The following PDZD8 variants were observed in gnomAD, a reference collection of about 807,000 sequenced individuals.
The protein encoded by PDZD8 is PDZ domain containing 8.
PDZD8 carries 14 observed loss-of-function variants against 85.8 expected under a neutral mutation model. That is an observed-to-expected ratio of 0.16 (90% CI 0.11 to 0.26). PDZD8 has a LOEUF of 0.26. Among genes scored for constraint, PDZD8 ranks in the 10% least tolerant of loss-of-function variants. The pLI, the probability that PDZD8 is intolerant of heterozygous loss-of-function variation, is 1.00. For synonymous variants in PDZD8, 592 were observed against 568.6 expected, an observed-to-expected ratio of 1.04 and a Z score of -0.59; for missense variants, 1,197 against 1,424.3, an observed-to-expected ratio of 0.84 and a Z score of 2.57.
At chr10:117,345,483 G>T (rs985072526) in intron 1 of PDZD8, among the ~76,000 whole-genome samples, 2 of 152,122 alleles carry the variant, frequency 1.3e-5, no homozygotes, top group African/African-American at 4.8e-5. Context: ...AACACTAGTG[G>T]GGGGGTAAGT....
chr10:117,358,458 C>T (rs946585762), intron 1 of PDZD8, among the ~76,000 whole-genome samples: 5 of 152,002 alleles, frequency 3.3e-5, no homozygotes, highest in African/African-American at 1.2e-4. Context: ...CTTTCCCCCT[C>T]ATCTCCCCTC....
chr10:117,333,124 A>AAACAAAAAAAC lies in PDZD8; in HGVS notation c.995+7855_995+7856insGTTTTTTTGTT, dbSNP rs1373673590. Among the ~76,000 whole-genome samples the AAACAAAAAAAC allele has an allele frequency of 9.6e-5, 14 of 145,994 alleles. 1 individual carries two copies. The highest frequency in any genetic ancestry group is 3.0e-4 in the African/African-American group (12 of 39,346). On this transcript the variant is annotated intron_variant, in intron 2 of 4. Transcript: ENST00000334464. ...GCAGAGTGGACTCTGTCTCAAAAAA[A>AAACAAAAAAAC]AAAAAAAAAAAAAAAAAAAGGGGAT...
chr10:117,319,948 G>A (rs527414036), intron 2 of PDZD8, among the ~76,000 whole-genome samples: 7 of 151,928 alleles, frequency 4.6e-5, no homozygotes, highest in African/African-American at 1.7e-4. Flanking sequence ...AAACACATTA[G>A]AGAAATTTAA....
At chr10:117,302,724 G>C (rs1843867500) in intron 3 of PDZD8, among the ~76,000 whole-genome samples, 4 of 152,146 alleles carry the variant, frequency 2.6e-5, no homozygotes, top group African/African-American at 7.2e-5. Context: ...ACCCAGGGGG[G>C]CGTAATTGAA....
intron 1 of PDZD8, among the ~76,000 whole-genome samples, chr10:117,353,653 A>G (rs1361384808): frequency 6.6e-6 from 1 of 151,590 alleles, no homozygotes; most frequent in East Asian, 2.0e-4. Flanking sequence ...TATTGATGTT[A>G]TACATAAATT....
At chr10:117,373,136 C>T (rs900404613) in intron 1 of PDZD8, among the ~76,000 whole-genome samples, 11 of 152,122 alleles carry the variant, frequency 7.2e-5, no homozygotes, top group African/African-American at 2.7e-4. Flanking sequence ...TCCACTCCAC[C>T]TCTAGCCCTA....
At chr10:117,335,766 G>C (rs1844506063) in intron 2 of PDZD8, among the ~76,000 whole-genome samples, 1 of 152,124 alleles carries the variant, frequency 6.6e-6, no homozygotes, top group African/African-American at 2.4e-5. Context: ...CCTTGGGCAG[G>C]GTAAGGGAGA....
chr10:117,309,441 T>G (rs1335990475), intron 3 of PDZD8, among the ~76,000 whole-genome samples: 1 of 151,832 alleles, frequency 6.6e-6, no homozygotes, highest in Non-Finnish European at 1.5e-5. Flanking sequence ...TGAAAAACAT[T>G]CCATCTCTAG....
At chr10:117,352,092 G>C (rs1844814951) in intron 1 of PDZD8, among the ~76,000 whole-genome samples, 2 of 85,504 alleles carry the variant, frequency 2.3e-5, no homozygotes, top group South Asian at 6.5e-4. Flanking sequence ...AGAACCTTTT[G>C]TAACATCTAA....
chr10:117,347,021 T>TTC (rs1844720911), intron 1 of PDZD8, among the ~76,000 whole-genome samples: 2 of 151,974 alleles, frequency 1.3e-5, no homozygotes, highest in African/African-American at 4.8e-5. Context: ...AGGAAGCTTT[T>TTC]TCTCTCTCTT....
In PDZD8 at chr10:117,283,324, A is replaced by G. The variant is rs776185127; in HGVS notation, c.3409T>C (p.Ser1137Pro). 4.5e-5 allele frequency: 72 copies of G among 1,613,812 alleles called. No individual in the cohort carries two copies. In the Middle Eastern group the frequency reaches 4.9e-4, roughly 11 times the overall value. The change falls in exon 5 of 5, where the codon TCT becomes CCT. Residue 1137 changes from serine to proline, a missense_variant. This residue lies in a region of PDZD8 where 418 missense variants were observed against 571.1 expected (regional missense o/e 0.73). Coordinates refer to ENST00000334464, the MANE Select transcript of PDZD8 (RefSeq NM_173791.5). ...LDNEISQLID[S>P]QPFSSISDDL... ...TCTGATATGCTGCTGAATGGCTGAGAGTCTATTAGTTGGCTTATTTCATTA... is the reference window on the plus strand; with the variant it reads ...TCTGATATGCTGCTGAATGGCTGAGGGTCTATTAGTTGGCTTATTTCATTA...
intron 3 of PDZD8, among the ~76,000 whole-genome samples, chr10:117,293,999 T>C (rs1262317053): frequency 2.0e-5 from 3 of 152,048 alleles, no homozygotes; most frequent in Non-Finnish European, 2.9e-5. Context: ...ATATTTCAAA[T>C]GAAATGATGA....
In PDZD8 at chr10:117,290,037, A is replaced by C. The variant is rs936052932; in HGVS notation, c.1261+149T>G. ...TTTTGAAGGCCTCCTTTGAATTTTT[A>C]TTTATAATAAAGTTTATTACTTTAT... On this transcript the variant is annotated intron_variant, in intron 4 of 4. Transcript: ENST00000334464. 29 of 629,136 alleles carry C rather than the reference A, an allele frequency of 4.6e-5. No individual in the cohort carries two copies. In the South Asian group the frequency reaches 1.2e-3, roughly 27 times the overall value. 39.0% of individuals were successfully genotyped at this position (629,136 alleles called of 1,614,324 possible).
chr10:117,287,489 G>A lies in PDZD8; in HGVS notation c.1262-2018C>T, dbSNP rs143171840. On this transcript the variant is annotated intron_variant, in intron 4 of 4. Transcript: ENST00000334464. ...GACATCACCACCTGGATGTTCCTTT[G>A]GGACTAAATATTCAGCAGAGCTAAA... is the stretch of plus-strand genomic sequence containing the variant. Among the ~76,000 whole-genome samples the A allele has an allele frequency of 4.6e-5, 7 of 152,180 alleles. No homozygotes were observed. The East Asian group carries it at 1.4e-3, about 29-fold the overall frequency.
At chr10:117,364,191 TGTGTGTGTGTGTGTGTGAGA>T (rs1213277238) in intron 1 of PDZD8, among the ~76,000 whole-genome samples, 1 of 151,636 alleles carries the variant, frequency 6.6e-6, no homozygotes, top group Non-Finnish European at 1.5e-5. Context: ...GGTGTGTGTG[TGTGTGTGTGTGTGTGTGAGA>T]GTGTGTGTGT....
chr10:117,314,189 G>GT (rs1844085460), intron 3 of PDZD8: 3 of 152,112 alleles, frequency 2.0e-5, no homozygotes, highest in Admixed American at 2.0e-4. Context: ...TAGAATATAG[G>GT]TATCATCTCC....
At chr10:117,326,606 A>C (rs1844321337) in intron 2 of PDZD8, among the ~76,000 whole-genome samples, 1 of 152,180 alleles carries the variant, frequency 6.6e-6, no homozygotes, top group African/African-American at 2.4e-5. Context: ...AAATCTTTAC[A>C]TGACCTAAGA....
chr10:117,356,072 T>A (rs1464216808), intron 1 of PDZD8, among the ~76,000 whole-genome samples: 1 of 151,860 alleles, frequency 6.6e-6, no homozygotes, highest in African/African-American at 2.4e-5. Flanking sequence ...CTGGATCTCA[T>A]TCATCTTTAA....
chr10:117,360,002 T>G (rs1013268399), intron 1 of PDZD8, among the ~76,000 whole-genome samples: 10 of 152,126 alleles, frequency 6.6e-5, no homozygotes, highest in African/African-American at 2.4e-4. Context: ...AAAAAAAAAT[T>G]TCTCCTGCTC....
Sources: allele counts gnomAD v4.1 joint callset (sites outside exome capture counted in the v4.1 genomes callset), GRCh38; gene constraint gnomAD v4.1.1; regional missense constraint gnomAD v4.1.1; transcripts MANE v1.5; gene names NCBI Gene and HGNC (gene_info 2026-07-23, HGNC 2026-07-21).